Variants in KLF12 observed in about 807,000 individuals in gnomAD.
KLF12 encodes the protein KLF transcription factor 12, also known as Krueppel-like factor 12.
Under a neutral mutation model 37.8 loss-of-function variants are expected in KLF12, and 9 were observed. The observed-to-expected ratio is 0.24, with a 90% confidence interval of 0.14 to 0.42. The LOEUF is 0.42. KLF12 is among the 10% of genes least tolerant of loss of function. The pLI, the probability that KLF12 is intolerant of heterozygous loss-of-function variation, is 1.00. For missense variants in KLF12, 411 were observed against 516.0 expected, an observed-to-expected ratio of 0.80 and a Z score of 1.97; for synonymous variants, 208 against 202.1, an observed-to-expected ratio of 1.03 and a Z score of -0.25.
At chr13:74,287,349 TGAGAGAGAGA>T in the KLF12 span, among the ~76,000 whole-genome samples, 886 of 71,894 alleles carry the variant, frequency 0.012, 26 homozygotes, top group African/African-American at 0.05. Context: ...CTATCAAAGT[TGAGAGAGAGA>T]GAGAGAGAGA....
At chr13:73,730,312 GAAC>G (rs1410141406) in intron 6 of KLF12, among the ~76,000 whole-genome samples, 2 of 152,130 alleles carry the variant, frequency 1.3e-5, no homozygotes, top group East Asian at 1.9e-4. Flanking sequence ...CGCAAAAGAA[GAAC>G]AACAGCTTCA....
intron 7 of KLF12, among the ~76,000 whole-genome samples, chr13:73,701,149 A>G (rs1566305801): frequency 1.3e-5 from 2 of 152,184 alleles, no homozygotes; most frequent in Non-Finnish European, 2.9e-5. Flanking sequence ...TGTTCCTATG[A>G]AAAGAGTTGG....
intron 4 of KLF12, among the ~76,000 whole-genome samples, chr13:73,831,359 T>C (rs934660690): frequency 6.6e-6 from 1 of 152,114 alleles, no homozygotes; most frequent in African/African-American, 2.4e-5. Flanking sequence ...TTGGTTATTG[T>C]CAGGCTTAAA....
chr13:74,099,476 A>C (rs1293457278), intron 1 of KLF12, among the ~76,000 whole-genome samples: 1 of 152,224 alleles, frequency 6.6e-6, no homozygotes, highest in Non-Finnish European at 1.5e-5. Flanking sequence ...CACGAGAAGA[A>C]CACTATGTAA....
intron 6 of KLF12, among the ~76,000 whole-genome samples, chr13:73,751,209 G>A (rs1431111474): frequency 2.0e-5 from 3 of 152,184 alleles, no homozygotes; most frequent in African/African-American, 7.2e-5. Flanking sequence ...ACAAATGAGT[G>A]CAGGTATCTT....
At chr13:73,899,297 T>C (rs903580760) in intron 3 of KLF12, among the ~76,000 whole-genome samples, 5 of 152,290 alleles carry the variant, frequency 3.3e-5, no homozygotes, top group African/African-American at 1.2e-4. Context: ...GACTATGAAG[T>C]GTATCTCATT....
chr13:73,745,094 T>C (rs1878269303), intron 6 of KLF12, among the ~76,000 whole-genome samples: 1 of 152,252 alleles, frequency 6.6e-6, no homozygotes, highest in African/African-American at 2.4e-5. Flanking sequence ...TATTCATTTA[T>C]TGTTTATAAG....
chr13:73,774,281 T>TAC (rs1270103742), intron 5 of KLF12, among the ~76,000 whole-genome samples: 1 of 122,010 alleles, frequency 8.2e-6, no homozygotes, highest in Non-Finnish European at 1.6e-5. Context: ...ACTATATATA[T>TAC]ATACACACAC....
At chr13:74,283,708 G>T in the KLF12 span, among the ~76,000 whole-genome samples, 1 of 152,098 alleles carries the variant, frequency 6.6e-6, no homozygotes, top group Non-Finnish European at 1.5e-5. Flanking sequence ...TTAAAATGAG[G>T]ATAATGATAC....
At chr13:74,205,634 A>G in the KLF12 span, among the ~76,000 whole-genome samples, 166 of 152,318 alleles carry the variant, frequency 1.1e-3, no homozygotes, top group Non-Finnish European at 1.9e-3. Context: ...TTGGCCTGCC[A>G]CCTGACTTTC....
Position 73,691,895 on chromosome 13 carries a change from C to A in KLF12, c.*3595G>T, listed in dbSNP as rs1266053173. On this transcript the variant is annotated 3_prime_UTR_variant, in exon 8 of 8. Coordinates refer to ENST00000377669, the MANE Select transcript of KLF12 (RefSeq NM_007249.5). ...TTGCATAAGCTATTCCAAATCTGAA[C>A]CATAATGAAAACGGCCTTTCTAATC... 1.3e-5 allele frequency: 2 copies of A among 152,556 alleles called. No homozygotes were observed. The highest frequency in any genetic ancestry group is 4.8e-5 in the African/African-American group (2 of 41,430). 9.5% of individuals were successfully genotyped at this position (152,556 alleles called of 1,614,324 possible). A position where few individuals can be genotyped will look rare whatever the true frequency, so the allele number is the denominator to read the frequency against.
chr13:74,300,791 G>A, the KLF12 span, among the ~76,000 whole-genome samples: 1 of 152,188 alleles, frequency 6.6e-6, no homozygotes. Context: ...GTAGTTTTCA[G>A]AATTATCTCT....
At chr13:73,731,921 C>T (rs1246352835) in intron 6 of KLF12, among the ~76,000 whole-genome samples, 3 of 152,084 alleles carry the variant, frequency 2.0e-5, no homozygotes, top group Admixed American at 2.0e-4. Context: ...CTTTCCTAAG[C>T]TTTGGTTTCT....
chr13:74,215,212 T>C, the KLF12 span, among the ~76,000 whole-genome samples: 1 of 152,082 alleles, frequency 6.6e-6, no homozygotes, highest in Non-Finnish European at 1.5e-5. Flanking sequence ...TTTTTATTTT[T>C]ATGCTACAAA....
chr13:74,013,532 A>T (rs1289138779), intron 1 of KLF12, among the ~76,000 whole-genome samples: 2 of 152,214 alleles, frequency 1.3e-5, no homozygotes, highest in Non-Finnish European at 2.9e-5. Context: ...AGTAACAACA[A>T]CAACACAAAA....
chr13:73,791,785 T>C (rs1881702258), intron 5 of KLF12, among the ~76,000 whole-genome samples: 1 of 152,222 alleles, frequency 6.6e-6, no homozygotes, highest in Admixed American at 6.5e-5. Flanking sequence ...TATTCAGTCC[T>C]ATTGTCAGAT....
the KLF12 span, among the ~76,000 whole-genome samples, chr13:74,212,846 A>G: frequency 6.6e-6 from 1 of 152,318 alleles, no homozygotes; most frequent in African/African-American, 2.4e-5. Flanking sequence ...AACATAAATT[A>G]TGTGTTTAAA....
intron 1 of KLF12, among the ~76,000 whole-genome samples, chr13:74,062,604 T>C (rs1226634731): frequency 2.0e-5 from 3 of 152,206 alleles, no homozygotes; most frequent in Non-Finnish European, 2.9e-5. Flanking sequence ...AGTATTTTCT[T>C]CCACTTTGGG....
At chr13:74,141,331 A>T in the KLF12 span, among the ~76,000 whole-genome samples, 6 of 152,316 alleles carry the variant, frequency 3.9e-5, no homozygotes, top group Non-Finnish European at 7.3e-5. Flanking sequence ...GTTCTACCAT[A>T]GTTGAAGCTA....
Sources: gnomAD v4.1 joint callset for allele counts (sites outside exome capture counted in the v4.1 genomes callset) on GRCh38, gnomAD v4.1.1 for gene constraint, MANE v1.5 for transcripts, NCBI Gene and HGNC (gene_info 2026-07-23, HGNC 2026-07-21) for gene names.